Variants in WNT8B observed in about 807,000 individuals in gnomAD.
WNT8B encodes the protein protein Wnt-8b.
A neutral mutation model predicts 36.6 loss-of-function variants in WNT8B; 24 were observed. The observed-to-expected ratio is 0.66, with a 90% CI of 0.48 to 0.92. WNT8B has a LOEUF of 0.92. Among genes scored for constraint, WNT8B ranks in the 40% least tolerant of loss-of-function variants. The pLI, the probability that WNT8B is intolerant of heterozygous loss-of-function variation, is 0.00. For missense variants in WNT8B, 402 were observed against 470.8 expected (o/e 0.85, Z 1.35); for synonymous variants, 199 against 189.8 (o/e 1.05, Z -0.40).
Position 100,482,947 on chromosome 10 carries a change from T to C in WNT8B, c.*131T>C. 1 of 1,080,526 alleles carries C rather than the reference T, an allele frequency of 9.3e-7. No individual in the cohort carries two copies. The highest frequency in any genetic ancestry group is 1.3e-6 in the Non-Finnish European group (1 of 786,324). The allele number at this position is 1,080,526 out of a possible 1,614,324, so 66.9% of individuals were successfully genotyped here. A position where few individuals can be genotyped will look rare whatever the true frequency, so the allele number is the denominator to read the frequency against. On this transcript the variant is annotated 3_prime_UTR_variant, in exon 6 of 6. Coordinates refer to ENST00000343737, the MANE Select transcript of WNT8B (RefSeq NM_003393.4). This position sits in a 1 kb window ranked among gnomAD's most constrained non-coding sequence, Gnocchi z 6.6. ...GATCCTGAGAGGGAGAGACTGCAAT[T>C]TCTCCAAAGCTTGCCACTTTCCAGC...
chr10:100,473,883 G>A (rs933529406), intron 1 of WNT8B, among the ~76,000 whole-genome samples: 3 of 152,060 alleles, frequency 2.0e-5, no homozygotes, highest in East Asian at 1.9e-4. Flanking sequence ...CCAAGATGGC[G>A]CCACTGCACT....
intron 1 of WNT8B, among the ~76,000 whole-genome samples, chr10:100,468,691 A>C (rs770401485): frequency 6.6e-6 from 1 of 152,272 alleles, no homozygotes; most frequent in Non-Finnish European, 1.5e-5. Context: ...CTATCACTCT[A>C]TAAAATATCC....
At chr10:100,464,414 G>C (rs1348840378) in intron 1 of WNT8B, among the ~76,000 whole-genome samples, 1 of 152,128 alleles carries the variant, frequency 6.6e-6, no homozygotes, top group African/African-American at 2.4e-5. Context: ...AGACAAAAGG[G>C]AGAGGAGACT....
chr10:100,476,104 A>T (rs942668343), intron 1 of WNT8B, among the ~76,000 whole-genome samples: 1 of 151,908 alleles, frequency 6.6e-6, no homozygotes, highest in Admixed American at 6.6e-5. Flanking sequence ...ATCCTGGCAA[A>T]CACAGTGAAA....
At chr10:100,476,776 G>T (rs1851042719) in intron 1 of WNT8B, among the ~76,000 whole-genome samples, 1 of 151,924 alleles carries the variant, frequency 6.6e-6, no homozygotes. Context: ...GATAATTATG[G>T]AGTTGCAAGA....
chr10:100,482,187 C>G lies in WNT8B; in HGVS notation c.511-84C>G. On this transcript the variant is annotated intron_variant, in intron 5 of 5. Transcript: ENST00000343737. The surrounding 1 kb of genome is among the most constrained non-coding windows in gnomAD (Gnocchi z 6.6). ...CAAGTGGGCTGGCCCAGTAGACTAACTAGACTTCTCGCAACTCCCACAGGG... is the reference window on the plus strand; with the variant it reads ...CAAGTGGGCTGGCCCAGTAGACTAAGTAGACTTCTCGCAACTCCCACAGGG... 3.3e-6 allele frequency: 5 copies of G among 1,535,736 alleles called. No homozygotes were observed. The highest frequency in any genetic ancestry group is 4.4e-6 in the Non-Finnish European group (5 of 1,143,818).
intron 1 of WNT8B, among the ~76,000 whole-genome samples, chr10:100,473,681 T>G (rs1392757863): frequency 1.3e-5 from 2 of 152,216 alleles, no homozygotes; most frequent in Non-Finnish European, 2.9e-5. Flanking sequence ...AATCTTGCAC[T>G]TTGGGAGGCT....
intron 4 of WNT8B, 47 bp from the exon 5 acceptor site, chr10:100,481,865 C>A: frequency 6.2e-7 from 1 of 1,609,938 alleles, no homozygotes. Context: ...CCAGGAGGCT[C>A]TGCGCCCGCT....
In WNT8B at chr10:100,473,417, T is replaced by C. The variant is rs369557277; in HGVS notation, c.69-5635T>C. Reference sequence around the variant, plus strand: ...ACTTCAAAAAGAAACCCTTTATTTATTAGCATTCACTCCCCGTTCCTCCTC... The same window carrying C: ...ACTTCAAAAAGAAACCCTTTATTTACTAGCATTCACTCCCCGTTCCTCCTC... On this transcript the variant is annotated intron_variant, in intron 1 of 5. Coordinates refer to ENST00000343737, the MANE Select transcript of WNT8B (RefSeq NM_003393.4). 5.9e-5 allele frequency among the ~76,000 whole-genome samples: 9 copies of C among 152,322 alleles called. No homozygotes were observed. In the East Asian group the frequency reaches 1.7e-3, roughly 29 times the overall value.
At chr10:100,468,057 G>C (rs142006852) in intron 1 of WNT8B, among the ~76,000 whole-genome samples, 44 of 152,336 alleles carry the variant, frequency 2.9e-4, no homozygotes, top group Non-Finnish European at 5.0e-4. Flanking sequence ...AGAAGATCAA[G>C]AATACAGATT....
At chr10:100,464,575 T>C (rs903423936) in intron 1 of WNT8B, among the ~76,000 whole-genome samples, 1 of 152,186 alleles carries the variant, frequency 6.6e-6, no homozygotes, top group Non-Finnish European at 1.5e-5. Context: ...CCTTCCCTGC[T>C]GGAGGGGGTC....
chr10:100,466,396 G>C (rs1283007842), intron 1 of WNT8B, among the ~76,000 whole-genome samples: 2 of 152,036 alleles, frequency 1.3e-5, no homozygotes, highest in Non-Finnish European at 2.9e-5. Flanking sequence ...TTAATTCCCA[G>C]GTTTATCAAT....
Position 100,463,082 on chromosome 10 carries a change from C to T in WNT8B, c.-87C>T, listed in dbSNP as rs546498818. ...AAGTTGGGCTTTGAGAATTCCATCC[C>T]ACTGGCACTGAGGAGAATATTTCTC... On this transcript the variant is annotated 5_prime_UTR_variant, in exon 1 of 6. Coordinates refer to ENST00000343737, the MANE Select transcript of WNT8B (RefSeq NM_003393.4). 1 of 1,259,850 alleles carries T rather than the reference C, an allele frequency of 7.9e-7. No homozygotes were observed. Among genetic ancestry groups the T allele is most frequent in the Non-Finnish European group, 1.1e-6 (1 of 872,360 alleles). The allele number at this position is 1,259,850 out of a possible 1,614,324, so 78.0% of individuals were successfully genotyped here. A position where few individuals can be genotyped will look rare whatever the true frequency, so the allele number is the denominator to read the frequency against.
intron 1 of WNT8B, among the ~76,000 whole-genome samples, chr10:100,473,195 G>A (rs1402406005): frequency 6.6e-6 from 1 of 152,224 alleles, no homozygotes; most frequent in Non-Finnish European, 1.5e-5. Flanking sequence ...AAAAGTTGCT[G>A]TGAGGCTTCA....
chr10:100,481,485 A>G (rs1030527263), intron 4 of WNT8B, among the ~76,000 whole-genome samples: 1 of 152,060 alleles, frequency 6.6e-6, no homozygotes, highest in Non-Finnish European at 1.5e-5. Flanking sequence ...CCTCCTGACC[A>G]ATTTCCAACA....
At chr10:100,470,756 T>G (rs1850966944) in intron 1 of WNT8B, among the ~76,000 whole-genome samples, 1 of 152,114 alleles carries the variant, frequency 6.6e-6, no homozygotes, top group Non-Finnish European at 1.5e-5. Flanking sequence ...TTATTTTATT[T>G]TTTGAGACAG....
rs561184746 is a variant in WNT8B, at chr10:100,463,044, T to C, written c.-125T>C. The C allele has an allele frequency of 1.1e-4, 95 of 840,762 alleles. No individual in the cohort carries two copies. The Middle Eastern group carries it at 1.4e-3, about 12-fold the overall frequency. The allele number at this position is 840,762 out of a possible 1,614,324, so 52.1% of individuals were successfully genotyped here. A position where few individuals can be genotyped will look rare whatever the true frequency, so the allele number is the denominator to read the frequency against. On this transcript the variant is annotated 5_prime_UTR_variant, in exon 1 of 6. Coordinates refer to ENST00000343737, the MANE Select transcript of WNT8B (RefSeq NM_003393.4). Reference sequence around the variant, plus strand: ...TCCCCTTAACTCTGTTTGGGATCGCTTACACACCAAGGAAGTTGGGCTTTG... The same window carrying C: ...TCCCCTTAACTCTGTTTGGGATCGCCTACACACCAAGGAAGTTGGGCTTTG...
intron 4 of WNT8B, 85 bp from the exon 5 acceptor site, chr10:100,481,827 C>A (rs1467357833): frequency 1.9e-6 from 3 of 1,554,116 alleles, no homozygotes; most frequent in East Asian, 4.6e-5. Flanking sequence ...TGGACCCCCC[C>A]ACCCCCAACC....
chr10:100,471,007 TGCTGGGATTACAGGCGTGA>T (rs1850970969), intron 1 of WNT8B, among the ~76,000 whole-genome samples: 1 of 152,208 alleles, frequency 6.6e-6, no homozygotes, highest in South Asian at 2.1e-4. Flanking sequence ...CCTCCCAAAG[TGCTGGGATTACAGGCGTGA>T]GCCACCATGC....
Sources: gnomAD v4.1 joint callset for allele counts (sites outside exome capture counted in the v4.1 genomes callset) on GRCh38, gnomAD v4.1.1 for gene constraint, Gnocchi (gnomAD v3.1) non-coding constraint, MANE v1.5 for transcripts, NCBI Gene and HGNC (gene_info 2026-07-23, HGNC 2026-07-21) for gene names.